WDR1: variants seen among roughly 807,000 people sequenced by gnomAD.
WDR1 encodes WD repeat domain 1.
Under a neutral mutation model 71.9 loss-of-function variants are expected in WDR1, and 21 were observed. The ratio of observed to expected loss-of-function variants is 0.29; its 90% confidence interval spans 0.21 to 0.42. The LOEUF (loss-of-function observed/expected upper bound fraction) is 0.42, where lower values mean the gene tolerates loss of function less well. Among genes scored for constraint, WDR1 ranks in the 10% least tolerant of loss-of-function variants. WDR1 has a pLI of 1.00. For missense variants in WDR1, 696 were observed against 824.5 expected, an observed-to-expected ratio of 0.84 and a Z score of 1.91; for synonymous variants, 424 against 347.4, an observed-to-expected ratio of 1.22 and a Z score of -2.45.
intron 8 of WDR1, among the ~76,000 whole-genome samples, chr4:10,086,253 T>G (rs1010791818): frequency 6.6e-6 from 1 of 152,200 alleles, no homozygotes; most frequent in East Asian, 1.9e-4. Context: ...CCCCATGCTG[T>G]GCGTGCCTTC....
Position 10,097,738 on chromosome 4 carries a change from G to A in WDR1, c.531C>T (p.Pro177=), listed in dbSNP as rs373013793. The A allele has an allele frequency of 1.9e-6, 3 of 1,609,404 alleles. No homozygotes were observed. Among genetic ancestry groups the A allele is most frequent in the East Asian group, 2.2e-5 (1 of 44,784 alleles). ...DDNCAAFFEG[P]PFKFKFTIGD... is the part of the protein sequence containing the mutation. ...CAATTGTGAACTTGAACTTGAATGG[G>A]GGTCCCTCAAAGAATGCCGCGCAGT... is the stretch of plus-strand genomic sequence containing the variant. The change falls in exon 5 of 15, where the codon CCC becomes CCT. Residue 177 remains proline (P), a synonymous_variant. Transcript: ENST00000499869.
At chr4:10,091,675 T>C (rs73212848) in intron 5 of WDR1, 51,465 of 152,148 alleles carry the variant, frequency 0.34, 9,533 homozygotes, top group Non-Finnish European at 0.42. Flanking sequence ...CCCATTTGCA[T>C]CCCCCCTTCT....
rs1372774554 is a variant in WDR1, at chr4:10,075,433, G to A, written c.1766C>T (p.Thr589Met). 5 of 1,614,030 alleles carry A rather than the reference G, an allele frequency of 3.1e-6. No individual in the cohort carries two copies. The highest frequency in any genetic ancestry group is 1.7e-5 in the Admixed American group (1 of 60,024). ...VSSLAWLDEH[T>M]LVTTSHDASV... The stretch of plus-strand genomic sequence containing the variant: ...GGCATCATGGGAGGTCGTGACCAGC[G>A]TGTGCTCGTCCAGCCAGGCCAGGCT... The change falls in exon 15 of 15, where the codon ACG becomes ATG. Residue 589 changes from threonine to methionine, a missense_variant. By Grantham distance (81) the Thr-to-Met change is moderately conservative. Coordinates refer to ENST00000499869, the MANE Select transcript of WDR1 (RefSeq NM_017491.5).
At chr4:10,093,331 C>G (rs1050036857) in intron 5 of WDR1, among the ~76,000 whole-genome samples, 13 of 152,232 alleles carry the variant, frequency 8.5e-5, no homozygotes, top group African/African-American at 3.1e-4. Flanking sequence ...AGTCCCACCC[C>G]ACACAAGCCC....
intron 9 of WDR1, 42 bp downstream of exon 9, chr4:10,084,401 G>A: frequency 2.5e-6 from 4 of 1,579,724 alleles, no homozygotes; most frequent in Admixed American, 1.8e-5. Context: ...TTCCCCCCTA[G>A]AGCCAGCGGC....
intron 13 of WDR1, 95 bp downstream of exon 13, chr4:10,077,658 C>A (rs1392987837): frequency 1.0e-5 from 15 of 1,472,092 alleles, no homozygotes; most frequent in Admixed American, 2.4e-5. Flanking sequence ...ACAGCTCAGA[C>A]AGGCTCAGCT....
chr4:10,104,798 CCTA>C (rs1293335800), intron 2 of WDR1, among the ~76,000 whole-genome samples: 2 of 152,238 alleles, frequency 1.3e-5, no homozygotes, highest in Non-Finnish European at 2.9e-5. Context: ...ATCTCTGCTA[CCTA>C]CTGTCAGCTT....
chr4:10,104,134 G>C (rs1043777005), intron 2 of WDR1, 148 bp from the exon 3 acceptor site: 1 of 781,260 alleles, frequency 1.3e-6, no homozygotes, highest in African/African-American at 1.7e-5. Context: ...CATACCACTT[G>C]CCTACGTATC....
chr4:10,116,200 C>T lies in WDR1; in HGVS notation c.51G>A (p.Arg17=), dbSNP rs1713712387. 4 of 1,613,752 alleles carry T rather than the reference C, an allele frequency of 2.5e-6. No homozygotes were observed. The highest frequency in any genetic ancestry group is 3.4e-6 in the Non-Finnish European group (4 of 1,179,842). Residue 17 remains arginine (R), a synonymous_variant, in exon 2 of 15, where the codon AGG becomes AGA. Coordinates refer to ENST00000499869, the MANE Select transcript of WDR1 (RefSeq NM_017491.5). The stretch of plus-strand genomic sequence containing the variant: ...CGCCGCCGATGATCTTGGAGACGCC[C>T]CTCTCCACCTGCGGGAGGCTGGCGA... The part of the protein sequence containing the change: ...KVFASLPQVE[R]GVSKIIGGDP...
chr4:10,113,516 G>A (rs747287599), intron 2 of WDR1, among the ~76,000 whole-genome samples: 2 of 152,240 alleles, frequency 1.3e-5, no homozygotes, highest in Non-Finnish European at 2.9e-5. Context: ...CGAGGCCACG[G>A]TAAGGACTCT....
chr4:10,115,849 G>A (rs1482707125), intron 2 of WDR1: 3 of 430,722 alleles, frequency 7.0e-6, no homozygotes, highest in Non-Finnish European at 1.3e-5. Context: ...AAGATCAGAG[G>A]CGATCCGGCG....
At chr4:10,104,008 T>A (rs1419927928) in intron 2 of WDR1, 22 bp from the exon 3 acceptor site, 2 of 1,577,252 alleles carry the variant, frequency 1.3e-6, no homozygotes, top group Non-Finnish European at 1.7e-6. Context: ...GACCCCGGAA[T>A]GAACAGAAGG....
chr4:10,105,789 T>C (rs981978441), intron 2 of WDR1, among the ~76,000 whole-genome samples: 1 of 152,026 alleles, frequency 6.6e-6, no homozygotes, highest in African/African-American at 2.4e-5. Context: ...CCTGGAGAAA[T>C]GGAAGCATGT....
intron 5 of WDR1, chr4:10,091,799 G>A (rs1205500612): frequency 2.0e-5 from 3 of 152,342 alleles, no homozygotes; most frequent in Non-Finnish European, 4.4e-5. Context: ...CCTTGTCCAT[G>A]TCAGTCCATA....
Position 10,075,126 on chromosome 4 carries a change from G to A in WDR1, c.*252C>T, listed in dbSNP as rs1764749081. On this transcript the variant is annotated 3_prime_UTR_variant, in exon 15 of 15. Coordinates refer to ENST00000499869, the MANE Select transcript of WDR1 (RefSeq NM_017491.5). The stretch of plus-strand genomic sequence containing the variant: ...CATTCTCAAGGTTTGGTTGGGCTGT[G>A]GGTTTTAGTTATGCTCCACACATTG... The A allele has an allele frequency of 2.1e-6, 1 of 487,154 alleles. No homozygotes were observed. The highest frequency in any genetic ancestry group is 3.6e-5 in the Admixed American group (1 of 27,490). 30.2% of individuals were successfully genotyped at this position (487,154 alleles called of 1,614,324 possible).
chr4:10,110,288 T>C (rs1165750331), intron 2 of WDR1, among the ~76,000 whole-genome samples: 1 of 152,220 alleles, frequency 6.6e-6, no homozygotes, highest in Non-Finnish European at 1.5e-5. Context: ...TGTCCACAGC[T>C]GTCCCTAACA....
At position 10,078,893 on chromosome 4, in the gene WDR1, C is replaced by A; in HGVS notation, c.1393G>T (p.Val465Leu). 1 of 1,612,212 alleles carries A rather than the reference C, an allele frequency of 6.2e-7. No individual in the cohort carries two copies. Among genetic ancestry groups the A allele is most frequent in the Non-Finnish European group, 8.5e-7 (1 of 1,178,990 alleles). The change falls in exon 12 of 15, where the codon GTG becomes TTG. Residue 465 changes from valine (V) to leucine (L), a missense_variant and splice_region_variant. Physicochemically the swap from Val to Leu is conservative, Grantham distance 32 (BLOSUM62 1). Transcript: ENST00000499869. ...CGGGGGAGAGGAAAGCGACTTACCACACCCCCAATTGCCACCGTGTCCCCG... is the reference window on the plus strand; with the variant it reads ...CGGGGGAGAGGAAAGCGACTTACCAAACCCCCAATTGCCACCGTGTCCCCG... Reference protein sequence around the residue: ...PGGDTVAIGGVDGNVRLYSIL... With the variant: ...PGGDTVAIGGLDGNVRLYSIL...
At chr4:10,092,855 C>T (rs1712087770) in intron 5 of WDR1, 4 of 391,888 alleles carry the variant, frequency 1.0e-5, no homozygotes, top group South Asian at 7.5e-5. Flanking sequence ...GCCTCTGCCC[C>T]ACCCCAGCCA....
At position 10,088,279 on chromosome 4, in the gene WDR1, A is replaced by T; in HGVS notation, c.717+14T>A. 6.4e-7 allele frequency: 1 copy of T among 1,551,146 alleles called. No homozygotes were observed. Among genetic ancestry groups the T allele is most frequent in the South Asian group, 1.2e-5 (1 of 84,040 alleles). ...AATTCCCACCACTAGGCCGGGAAAC[A>T]CGCTCATACTCACTGCGTAAATCCC... On this transcript the variant is annotated intron_variant, in intron 7 of 14. Coordinates refer to ENST00000499869, the MANE Select transcript of WDR1 (RefSeq NM_017491.5).
Sources: allele counts gnomAD v4.1 joint callset (sites outside exome capture counted in the v4.1 genomes callset), GRCh38; gene constraint gnomAD v4.1.1; transcripts MANE v1.5; gene names NCBI Gene and HGNC (gene_info 2026-07-23, HGNC 2026-07-21).